PDE3A: variants seen among roughly 807,000 people sequenced by gnomAD.
PDE3A encodes cGMP-inhibited 3',5'-cyclic phosphodiesterase 3A.
PDE3A carries 43 observed loss-of-function variants against 98.3 expected under a neutral mutation model. The ratio of observed to expected loss-of-function variants is 0.44; its 90% confidence interval spans 0.34 to 0.56. The LOEUF is 0.56. Among genes scored for constraint, PDE3A ranks in the 20% least tolerant of loss-of-function variants. PDE3A has a pLI of 0.01. For synonymous variants in PDE3A, 663 were observed against 567.9 expected, an observed-to-expected ratio of 1.17 and a Z score of -2.38; for missense variants, 1,427 against 1,440.7, an observed-to-expected ratio of 0.99 and a Z score of 0.15.
chr12:20,622,355 T>C (rs1475331712), intron 5 of PDE3A, among the ~76,000 whole-genome samples: 1 of 152,142 alleles, frequency 6.6e-6, no homozygotes, highest in Non-Finnish European at 1.5e-5. Flanking sequence ...GCAAGAACAA[T>C]TTGCAGGATT....
chr12:20,460,892 A>G (rs954786808), intron 1 of PDE3A, among the ~76,000 whole-genome samples: 2 of 152,130 alleles, frequency 1.3e-5, no homozygotes, highest in African/African-American at 4.8e-5. Context: ...CATTCAGATC[A>G]TGGATGAATG....
chr12:20,515,290 G>T (rs546330373), intron 1 of PDE3A, among the ~76,000 whole-genome samples: 4 of 152,302 alleles, frequency 2.6e-5, no homozygotes, highest in South Asian at 2.1e-4. Flanking sequence ...CTGAAGAAAT[G>T]GTTGTTGATA....
rs537270846 is a variant in PDE3A at position 20,577,162 on chromosome 12, T to C, written c.1011+20452T>C. ...CCAAACAAGGAATTACAGAAGAGTT[T>C]TCTAATTTTAAAGAGCTGGCTAGAG... On this transcript the variant is annotated intron_variant, in intron 2 of 15. Transcript: ENST00000359062. Among the ~76,000 whole-genome samples, 20 of 152,222 alleles carry C rather than the reference T, an allele frequency of 1.3e-4. No homozygotes were observed. In the South Asian group the frequency reaches 4.2e-3, roughly 32 times the overall value.
Position 20,685,662 on chromosome 12 carries a change from T to G in PDE3A, c.*5391T>G, listed in dbSNP as rs1945941784. Among the ~76,000 whole-genome samples the G allele has an allele frequency of 6.6e-6, 1 of 152,286 alleles. No homozygotes were observed. Among genetic ancestry groups the G allele is most frequent in the South Asian group, 2.1e-4 (1 of 4,824 alleles). On this transcript the variant is annotated 3_prime_UTR_variant, in exon 16 of 16. Transcript: ENST00000359062. ...ACATTTTCTTTCCAGATACAGCTAG[T>G]TTTTCTCCACATGTTTTTAAGGTTG...
intron 2 of PDE3A, among the ~76,000 whole-genome samples, chr12:20,609,476 C>T (rs181712479): frequency 2.0e-5 from 3 of 151,844 alleles, no homozygotes; most frequent in African/African-American, 7.3e-5. Flanking sequence ...ATTTATACTA[C>T]CCAAAGAAAT....
At chr12:20,546,803 T>C (rs1467310245) in intron 1 of PDE3A, among the ~76,000 whole-genome samples, 1 of 152,076 alleles carries the variant, frequency 6.6e-6, no homozygotes, top group Admixed American at 6.6e-5. Flanking sequence ...GTGGTGCATA[T>C]TCTATAAATT....
At chr12:20,586,107 C>A (rs910158149) in intron 2 of PDE3A, among the ~76,000 whole-genome samples, 1 of 152,102 alleles carries the variant, frequency 6.6e-6, no homozygotes, top group Non-Finnish European at 1.5e-5. Context: ...TAAACCAGTG[C>A]ACAAGGGGGT....
intron 2 of PDE3A, among the ~76,000 whole-genome samples, chr12:20,574,520 G>A (rs561565211): frequency 3.1e-4 from 47 of 152,046 alleles, no homozygotes; most frequent in African/African-American, 1.1e-3. Context: ...ACAATACGTT[G>A]GAAGACATTA....
At chr12:20,576,976 G>A (rs1465457305) in intron 2 of PDE3A, among the ~76,000 whole-genome samples, 1 of 151,552 alleles carries the variant, frequency 6.6e-6, no homozygotes, top group Non-Finnish European at 1.5e-5. Context: ...ATACAATGAA[G>A]AGATTGAGGA....
At chr12:20,676,101 G>T (rs1043549799) in intron 15 of PDE3A, among the ~76,000 whole-genome samples, 1 of 151,708 alleles carries the variant, frequency 6.6e-6, no homozygotes, top group East Asian at 1.9e-4. Flanking sequence ...ATTGCAGTTG[G>T]GTGGTTTTCT....
intron 2 of PDE3A, among the ~76,000 whole-genome samples, chr12:20,605,950 TTTAA>T (rs1452173973): frequency 6.6e-6 from 1 of 152,168 alleles, no homozygotes; most frequent in Admixed American, 6.5e-5. Context: ...TGTCAGCCTA[TTTAA>T]TTAAGTTATC....
intron 1 of PDE3A, among the ~76,000 whole-genome samples, chr12:20,459,202 A>G (rs761487431): frequency 6.6e-6 from 1 of 152,308 alleles, no homozygotes; most frequent in South Asian, 2.1e-4. Context: ...AAGAATGGGT[A>G]GAAAATATAA....
intron 1 of PDE3A, among the ~76,000 whole-genome samples, chr12:20,386,519 C>G (rs551641367): frequency 6.8e-6 from 1 of 148,096 alleles, no homozygotes; most frequent in African/African-American, 2.5e-5. Context: ...TTCTTTTTTT[C>G]TGGTAGAGTT....
chr12:20,440,503 A>G (rs1373329349), intron 1 of PDE3A, among the ~76,000 whole-genome samples: 2 of 152,188 alleles, frequency 1.3e-5, no homozygotes, highest in South Asian at 2.1e-4. Context: ...TCACGTTACA[A>G]TGATCAAACT....
rs1295430646 is a variant in PDE3A, at chr12:20,552,990, C to T, written c.961-3670C>T. 5.7e-6 allele frequency: 9 copies of T among 1,572,462 alleles called. No homozygotes were observed. Among genetic ancestry groups the T allele is most frequent in the South Asian group, 2.3e-5 (2 of 87,228 alleles). On this transcript the variant is annotated intron_variant, in intron 1 of 15. Coordinates refer to ENST00000359062, the MANE Select transcript of PDE3A (RefSeq NM_000921.5). The surrounding 1 kb of genome is among the most constrained non-coding windows in gnomAD (Gnocchi z 5.1). ...AGACCGTCCTCAACCAGCTCTTCCC[C>T]GGCTACGGCAATGGCCGGTGATCTC...
At chr12:20,589,304 G>GA (rs1010067301) in intron 2 of PDE3A, among the ~76,000 whole-genome samples, 2 of 151,268 alleles carry the variant, frequency 1.3e-5, no homozygotes, top group African/African-American at 2.4e-5. Flanking sequence ...ATTGGAAATT[G>GA]AAAAAAAAGT....
chr12:20,454,613 C>T (rs1945122489), intron 1 of PDE3A, among the ~76,000 whole-genome samples: 1 of 152,098 alleles, frequency 6.6e-6, no homozygotes, highest in African/African-American at 2.4e-5. Context: ...TTTCCCGATC[C>T]TCTCCTTCCT....
At chr12:20,550,016 G>A (rs533982262) in intron 1 of PDE3A, among the ~76,000 whole-genome samples, 14 of 152,170 alleles carry the variant, frequency 9.2e-5, no homozygotes, top group African/African-American at 2.4e-4. Context: ...GACTAAAATC[G>A]TCATCGTTAA....
chr12:20,452,935 C>T (rs575338687), intron 1 of PDE3A, among the ~76,000 whole-genome samples: 3 of 152,326 alleles, frequency 2.0e-5, no homozygotes, highest in Admixed American at 6.5e-5. Flanking sequence ...CTGCTAAAGA[C>T]ACTGCTAATT....
Sources: allele counts gnomAD v4.1 joint callset (sites outside exome capture counted in the v4.1 genomes callset), GRCh38; gene constraint gnomAD v4.1.1; non-coding constraint Gnocchi (gnomAD v3.1); transcripts MANE v1.5; gene names NCBI Gene and HGNC (gene_info 2026-07-23, HGNC 2026-07-21).